The following PUDP variants were observed in gnomAD, a reference collection of about 807,000 sequenced individuals.
The protein encoded by PUDP is pseudouridine 5'-phosphatase.
A neutral mutation model predicts 9.4 loss-of-function variants in PUDP; 8 were observed. The ratio of observed to expected loss-of-function variants is 0.85; its 90% CI spans 0.50 to 1.53. PUDP has a LOEUF of 1.53. Ranked by LOEUF, PUDP falls within the 40% of genes most tolerant of loss-of-function variation. The pLI is 0.00. For synonymous variants in PUDP, 99 were observed against 80.7 expected, an observed-to-expected ratio of 1.23 and a Z score of -1.22; for missense variants, 188 against 189.7, an observed-to-expected ratio of 0.99 and a Z score of 0.05.
At position 6,828,511 on chromosome X, in the gene PUDP, T is replaced by G. The variant is rs998059553; in HGVS notation, c.*248-122045A>C. On this transcript the variant is annotated intron_variant and NMD_transcript_variant, in intron 3 of 3. Transcript: ENST00000655425. ...CTACTATCAACATCCTCCAGCACAG[T>G]AGTGAATTTGTTGTAATCAATGACC... Among the ~76,000 whole-genome samples the G allele has an allele frequency of 3.6e-5, 4 of 111,725 alleles. No individual in the cohort carries two copies. The Admixed American group carries it at 3.8e-4, about 11-fold the overall frequency.
In PUDP at chrX:6,789,310, TAAA is replaced by T. The variant is rs1925699881; in HGVS notation, c.*248-82847_*248-82845del. 3.7e-5 allele frequency among the ~76,000 whole-genome samples: 4 copies of T among 107,724 alleles called. No homozygotes were observed. In the South Asian group the frequency reaches 1.2e-3, roughly 33 times the overall value. 93.5% of individuals were successfully genotyped at this position (107,724 alleles called of 115,157 possible). On this transcript the variant is annotated intron_variant and NMD_transcript_variant, in intron 3 of 3. Coordinates refer to the PUDP transcript ENST00000655425. ...GTCTCTAAATAAATAAATAAATAAA[TAAA>T]TAAATAAATAAATAGAAGAAGCAAC...
intron 3 of PUDP, among the ~76,000 whole-genome samples, chrX:6,839,699 C>T (rs762805207): frequency 1.8e-5 from 2 of 111,260 alleles, no homozygotes; most frequent in East Asian, 2.8e-4. Flanking sequence ...GGCCAAAATC[C>T]GAAAACTGAC....
At chrX:6,904,800 T>A (rs1158649992) in intron 3 of PUDP, among the ~76,000 whole-genome samples, 1 of 112,423 alleles carries the variant, frequency 8.9e-6, no homozygotes, top group African/African-American at 3.2e-5. Context: ...ACAGAAGCCC[T>A]GTGGATGGTG....
intron 3 of PUDP, among the ~76,000 whole-genome samples, chrX:6,742,146 C>A (rs1248162680): frequency 1.8e-5 from 2 of 111,551 alleles, no homozygotes. Flanking sequence ...CAGGCCCGGC[C>A]TTCCCTCTTT....
chrX:7,009,107 T>A (rs956093079), intron 1 of PUDP, among the ~76,000 whole-genome samples: 4 of 112,466 alleles, frequency 3.6e-5, no homozygotes, highest in African/African-American at 1.3e-4. Context: ...AAATGCAATG[T>A]CAAAGAAAAC....
chrX:6,991,684 A>T (rs1047024830), intron 1 of PUDP, among the ~76,000 whole-genome samples: 2 of 109,361 alleles, frequency 1.8e-5, no homozygotes, highest in Non-Finnish European at 3.8e-5. Context: ...CTCAAAAAAA[A>T]AAAAAATAAA....
intron 3 of PUDP, among the ~76,000 whole-genome samples, chrX:6,844,921 G>A (rs1429727837): frequency 1.8e-5 from 2 of 112,023 alleles, no homozygotes; most frequent in East Asian, 5.6e-4. Flanking sequence ...GATGTCTAAG[G>A]GAAGAAGATG....
At chrX:7,067,366 G>GC (rs1370835001) in intron 3 of PUDP, among the ~76,000 whole-genome samples, 1 of 111,615 alleles carries the variant, frequency 9.0e-6, no homozygotes, top group Non-Finnish European at 1.9e-5. Flanking sequence ...ACACTGCAGT[G>GC]CCCCAAGTTC....
intron 3 of PUDP, among the ~76,000 whole-genome samples, chrX:6,878,159 G>T (rs1927293054): frequency 8.9e-6 from 1 of 111,813 alleles, no homozygotes; most frequent in Non-Finnish European, 1.9e-5. Flanking sequence ...ATTATTTTGG[G>T]CCACTATCCT....
chrX:6,889,753 G>A (rs963493193), intron 3 of PUDP, among the ~76,000 whole-genome samples: 4 of 111,262 alleles, frequency 3.6e-5, no homozygotes, highest in Non-Finnish European at 5.7e-5. Flanking sequence ...CTCATCACTC[G>A]GCTGTTTTCC....
upstream of PUDP, among the ~76,000 whole-genome samples, chrX:6,721,893 G>A (rs1243556461): frequency 5.4e-5 from 6 of 111,698 alleles, no homozygotes; most frequent in African/African-American, 2.0e-4. Context: ...TAATAAAGAT[G>A]GGGAAATCTC....
intron 3 of PUDP, among the ~76,000 whole-genome samples, chrX:7,067,243 A>T (rs1178183014): frequency 9.0e-6 from 1 of 111,635 alleles, no homozygotes; most frequent in African/African-American, 3.3e-5. Flanking sequence ...TTTCCCAGAG[A>T]CCCTCATGCC....
chrX:6,734,735 A>G (rs1924853428), intron 3 of PUDP, among the ~76,000 whole-genome samples: 1 of 111,900 alleles, frequency 8.9e-6, no homozygotes, highest in Non-Finnish European at 1.9e-5. Context: ...CTACACAGTG[A>G]GACCATCCTG....
chrX:7,103,515 C>A (rs910479124), intron 2 of PUDP, among the ~76,000 whole-genome samples: 3 of 112,178 alleles, frequency 2.7e-5, no homozygotes, highest in African/African-American at 9.7e-5. Context: ...TTGGCTATGA[C>A]ACCAAAAGCA....
intron 3 of PUDP, among the ~76,000 whole-genome samples, chrX:6,860,929 C>T (rs950121566): frequency 8.9e-6 from 1 of 112,212 alleles, no homozygotes; most frequent in African/African-American, 3.2e-5. Context: ...TAAACAAAAA[C>T]GTACATGACA....
At chrX:7,122,190 C>G (rs1053507917) in intron 1 of PUDP, among the ~76,000 whole-genome samples, 1 of 97,785 alleles carries the variant, frequency 1.0e-5, no homozygotes, top group African/African-American at 3.9e-5. Context: ...GAGTAAGACC[C>G]TGTCTCAAAA....
intron 1 of PUDP, among the ~76,000 whole-genome samples, chrX:6,991,687 A>T (rs1013489784): frequency 5.5e-5 from 6 of 109,027 alleles, no homozygotes; most frequent in East Asian, 2.8e-4. Flanking sequence ...AAAAAAAAAA[A>T]AAATAAAATA....
chrX:6,961,393 A>AT (rs1189160909), intron 3 of PUDP, among the ~76,000 whole-genome samples: 5 of 110,914 alleles, frequency 4.5e-5, no homozygotes, highest in African/African-American at 1.6e-4. Flanking sequence ...CTAAAAAAAA[A>AT]TAAAAAATAA....
In PUDP at chrX:6,753,747, T is replaced by C. The variant is rs191290380; in HGVS notation, c.*248-47281A>G. 2.0e-3 allele frequency among the ~76,000 whole-genome samples: 229 copies of C among 112,563 alleles called. 1 individual carries two copies. Among genetic ancestry groups the C allele is most frequent in the African/African-American group, 7.2e-3 (223 of 31,029 alleles). On this transcript the variant is annotated intron_variant and NMD_transcript_variant, in intron 3 of 3. Coordinates refer to the PUDP transcript ENST00000655425. ...TAGTGATGTTGAGCATTTTTTCATATGTTTGTCAGCCATTTGTATATCTTC... is the reference window on the plus strand; with the variant it reads ...TAGTGATGTTGAGCATTTTTTCATACGTTTGTCAGCCATTTGTATATCTTC...
Sources: gnomAD v4.1 joint callset for allele counts (sites outside exome capture counted in the v4.1 genomes callset) on GRCh38, gnomAD v4.1.1 for gene constraint, MANE v1.5 for transcripts, NCBI Gene and HGNC (gene_info 2026-07-23, HGNC 2026-07-21) for gene names.